PKP4: variants seen among roughly 807,000 people sequenced by gnomAD.
PKP4 encodes plakophilin-4.
In PKP4, 90 loss-of-function variants were observed where a neutral mutation model predicts 145.1. The observed-to-expected ratio is 0.62, with a 90% CI of 0.52 to 0.74. PKP4 has a LOEUF of 0.74. Ranked by LOEUF, PKP4 falls within the 30% of genes least tolerant of loss-of-function variation. The probability of loss-of-function intolerance (pLI) is 0.00; values close to 1 mark genes in which losing one functional copy is unlikely to be tolerated. For missense variants in PKP4, 1,340 were observed against 1,482.7 expected, an observed-to-expected ratio of 0.90 and a Z score of 1.58; for synonymous variants, 563 against 577.2, an observed-to-expected ratio of 0.98 and a Z score of 0.35.
At chr2:158,459,697 G>A (rs1391858122) in intron 1 of PKP4, among the ~76,000 whole-genome samples, 1 of 151,988 alleles carries the variant, frequency 6.6e-6, no homozygotes, top group African/African-American at 2.4e-5. Flanking sequence ...CTTAACCCGT[G>A]CTTTTTTGAC....
At chr2:158,631,402 G>A (rs2053347972) in intron 7 of PKP4, among the ~76,000 whole-genome samples, 2 of 151,876 alleles carry the variant, frequency 1.3e-5, no homozygotes, top group East Asian at 3.9e-4. Flanking sequence ...TATTTATTTT[G>A]AGACAGGGCC....
intron 3 of PKP4, among the ~76,000 whole-genome samples, chr2:158,582,252 A>T (rs769026123): frequency 6.6e-6 from 1 of 152,236 alleles, no homozygotes. Flanking sequence ...ATTGAGTAGC[A>T]TATAGTTATA....
intron 9 of PKP4, among the ~76,000 whole-genome samples, chr2:158,636,664 A>C (rs540202017): frequency 6.6e-6 from 1 of 152,066 alleles, no homozygotes; most frequent in East Asian, 1.9e-4. Context: ...GGATCACTTT[A>C]TTATTTTGCA....
chr2:158,651,831 C>T (rs1368948850), intron 11 of PKP4, among the ~76,000 whole-genome samples: 1 of 152,004 alleles, frequency 6.6e-6, no homozygotes, highest in East Asian at 1.9e-4. Flanking sequence ...TGACACATTA[C>T]CTGCTGCTTG....
chr2:158,669,030 A>G (rs376427820), intron 16 of PKP4: 4 of 152,256 alleles, frequency 2.6e-5, no homozygotes, highest in South Asian at 2.1e-4. Flanking sequence ...AAATACCTCA[A>G]TAACTGTGAA....
At chr2:158,522,969 C>T (rs566555850) in intron 1 of PKP4, among the ~76,000 whole-genome samples, 3 of 152,134 alleles carry the variant, frequency 2.0e-5, no homozygotes, top group Admixed American at 6.5e-5. Flanking sequence ...ACACCTGGCT[C>T]GGAGGGTCCT....
chr2:158,608,808 C>CTTTTTTTTTTTTTTTTTT (rs66933766), intron 4 of PKP4, among the ~76,000 whole-genome samples: 5 of 86,182 alleles, frequency 5.8e-5, no homozygotes, highest in Non-Finnish European at 8.4e-5. Flanking sequence ...TCTTTTCTTT[C>CTTTTTTTTTTTTTTTTTT]TTTTTTTTTT....
intron 3 of PKP4, among the ~76,000 whole-genome samples, chr2:158,595,750 G>A (rs1308796036): frequency 6.6e-6 from 1 of 152,000 alleles, no homozygotes; most frequent in Non-Finnish European, 1.5e-5. Context: ...AAGGTAGTTT[G>A]TTTTAAATTT....
chr2:158,659,784 G>A (rs2056376496), intron 12 of PKP4: 1 of 152,290 alleles, frequency 6.6e-6, no homozygotes, highest in Non-Finnish European at 1.5e-5. Flanking sequence ...AGTGGTACCA[G>A]ATTATATAGG....
At chr2:158,542,093 C>G (rs2044572145) in intron 2 of PKP4, among the ~76,000 whole-genome samples, 1 of 152,156 alleles carries the variant, frequency 6.6e-6, no homozygotes, top group Non-Finnish European at 1.5e-5. Flanking sequence ...TTATGCCCAA[C>G]TGAAGAGTCA....
rs770714759 is a variant in PKP4, at chr2:158,631,951, A to G, written c.1342+10A>G. The G allele has an allele frequency of 6.2e-7, 1 of 1,612,180 alleles. No individual in the cohort carries two copies. The highest frequency in any genetic ancestry group is 8.5e-7 in the Non-Finnish European group (1 of 1,179,212). ...TATCGCACAGGTTCAGGTGGGCATCAACTCTGTTTACTGGTTTCCTGATTT... is the reference window on the plus strand; with the variant it reads ...TATCGCACAGGTTCAGGTGGGCATCGACTCTGTTTACTGGTTTCCTGATTT... On this transcript the variant is annotated intron_variant, in intron 8 of 21. Transcript: ENST00000389759.
chr2:158,640,874 A>G (rs1259019144), intron 10 of PKP4, 115 bp downstream of exon 10: 6 of 1,065,528 alleles, frequency 5.6e-6, no homozygotes, highest in Non-Finnish European at 8.4e-6. Context: ...TTTTAAAGGG[A>G]TATTTTGATA....
At chr2:158,591,540 G>GT (rs1275125931) in intron 3 of PKP4, among the ~76,000 whole-genome samples, 3 of 151,918 alleles carry the variant, frequency 2.0e-5, no homozygotes, top group Non-Finnish European at 2.9e-5. Flanking sequence ...TTGTTATACT[G>GT]TTTTTTATTG....
At chr2:158,521,780 T>C (rs2042393097) in intron 1 of PKP4, among the ~76,000 whole-genome samples, 1 of 152,216 alleles carries the variant, frequency 6.6e-6, no homozygotes, top group African/African-American at 2.4e-5. Flanking sequence ...TGTTCCAGTT[T>C]CATTATAAGT....
chr2:158,599,716 T>C (rs181106828), intron 3 of PKP4, among the ~76,000 whole-genome samples: 1 of 152,284 alleles, frequency 6.6e-6, no homozygotes, highest in African/African-American at 2.4e-5. Context: ...TATCAACTCA[T>C]GGAGTCTCTA....
chr2:158,597,821 T>C (rs2049889891), intron 3 of PKP4, among the ~76,000 whole-genome samples: 1 of 152,214 alleles, frequency 6.6e-6, no homozygotes, highest in Non-Finnish European at 1.5e-5. Flanking sequence ...TTGTTTATTT[T>C]TTTGAAACAG....
chr2:158,484,020 T>TTTTTTC (rs1374045648), intron 1 of PKP4, among the ~76,000 whole-genome samples: 1 of 142,874 alleles, frequency 7.0e-6, no homozygotes, highest in Non-Finnish European at 1.5e-5. Context: ...CAGTTGCACA[T>TTTTTTC]TTTTTCTTTT....
intron 11 of PKP4, among the ~76,000 whole-genome samples, chr2:158,652,279 G>T (rs1558955227): frequency 6.6e-6 from 1 of 152,148 alleles, no homozygotes; most frequent in Non-Finnish European, 1.5e-5. Context: ...TGTGGCTGAT[G>T]GCCACCGTAT....
chr2:158,463,114 A>G (rs542041703), intron 1 of PKP4, among the ~76,000 whole-genome samples: 2 of 152,304 alleles, frequency 1.3e-5, no homozygotes, highest in African/African-American at 4.8e-5. Flanking sequence ...TTTGCAGGAC[A>G]TTGTAGAAAA....
Sources: gnomAD v4.1 joint callset for allele counts (sites outside exome capture counted in the v4.1 genomes callset) on GRCh38, gnomAD v4.1.1 for gene constraint, MANE v1.5 for transcripts, NCBI Gene and HGNC (gene_info 2026-07-23, HGNC 2026-07-21) for gene names.